Variants in LRRC34 observed in about 807,000 individuals in gnomAD.
The protein encoded by LRRC34 is leucine-rich repeat-containing protein 34.
Under a neutral mutation model 48.5 loss-of-function variants are expected in LRRC34, and 44 were observed. The ratio of observed to expected loss-of-function variants is 0.91; its 90% CI spans 0.71 to 1.17. The LOEUF (loss-of-function observed/expected upper bound fraction) is 1.17. LRRC34 is among the 50% of genes most tolerant of loss of function. The probability of loss-of-function intolerance (pLI) is 0.00; values close to 1 mark genes in which losing one functional copy is unlikely to be tolerated. For synonymous variants in LRRC34, 192 were observed against 197.6 expected (o/e 0.97, Z 0.24); for missense variants, 502 against 563.0 (o/e 0.89, Z 1.10).
At chr3:169,809,924 T>G (rs1462811152) in intron 1 of LRRC34, among the ~76,000 whole-genome samples, 1 of 151,980 alleles carries the variant, frequency 6.6e-6, no homozygotes, top group East Asian at 1.9e-4. Context: ...TAAAAATAAA[T>G]TTAATATACT....
intron 10 of LRRC34, chr3:169,794,152 CA>C: frequency 4.8e-6 from 1 of 206,648 alleles, no homozygotes; most frequent in Admixed American, 5.4e-5. Flanking sequence ...CTCCTATGGT[CA>C]AAATTTTCAA....
intron 8 of LRRC34, 66 bp downstream of exon 8, chr3:169,796,679 T>C (rs1477926204): frequency 1.4e-6 from 2 of 1,449,360 alleles, no homozygotes; most frequent in Non-Finnish European, 1.9e-6. Context: ...CCAAGTACCA[T>C]GAATATTTAT....
chr3:169,807,837 TATA>T, intron 2 of LRRC34, 128 bp from the exon 3 acceptor site: 8 of 1,109,602 alleles, frequency 7.2e-6, no homozygotes, highest in Non-Finnish European at 9.9e-6. Flanking sequence ...GAAGCAAGCA[TATA>T]ATAAGTAGAC....
chr3:169,796,384 A>C lies in LRRC34; in HGVS notation c.909-15T>G. ...TTATTTTGTTGCTGGCAAAGGAAAA[A>C]TAGTTATATTTGAAAATATGAAATA... On this transcript the variant is annotated splice_polypyrimidine_tract_variant and intron_variant, in intron 8 of 10. Transcript: ENST00000446859. The C allele has an allele frequency of 6.3e-7, 1 of 1,591,332 alleles. No individual in the cohort carries two copies. Among genetic ancestry groups the C allele is most frequent in the Non-Finnish European group, 8.5e-7 (1 of 1,173,914 alleles).
intron 10 of LRRC34, 41 bp from the exon 11 acceptor site, chr3:169,793,879 T>C: frequency 4.9e-6 from 7 of 1,415,440 alleles, no homozygotes; most frequent in Non-Finnish European, 5.9e-6. Context: ...TAAGAAAAAA[T>C]GTATTCAATT....
intron 8 of LRRC34, 65 bp from the exon 9 acceptor site, chr3:169,796,434 T>C (rs1296307209): frequency 1.3e-6 from 2 of 1,528,476 alleles, no homozygotes; most frequent in Non-Finnish European, 8.8e-7. Flanking sequence ...AGTGATAAGA[T>C]GCTTGAAAAC....
intron 6 of LRRC34, among the ~76,000 whole-genome samples, chr3:169,802,664 C>T (rs1779235551): frequency 2.0e-5 from 3 of 152,094 alleles, no homozygotes; most frequent in Non-Finnish European, 4.4e-5. Context: ...ACACTGGCTG[C>T]ATCTACCACC....
chr3:169,812,486 G>C lies in LRRC34; in HGVS notation c.63C>G (p.Ala21=). The change falls in exon 1 of 11, where the codon GCC becomes GCG. Residue 21 remains alanine, a synonymous_variant. Transcript: ENST00000446859. This position sits in a 1 kb window ranked among gnomAD's most constrained non-coding sequence, Gnocchi z 4.3. The part of the protein sequence containing the change: ...ERSMGSSREA[A]RAPARSPAWA... ...AAGCCGGGGACCTGGCCGGCGCACG[G>C]GCGGCCTCCCGGGAGCTCCCCATGC... 1 of 1,528,430 alleles carries C rather than the reference G, an allele frequency of 6.5e-7. No individual in the cohort carries two copies. The highest frequency in any genetic ancestry group is 8.7e-7 in the Non-Finnish European group (1 of 1,143,886). 94.7% of individuals were successfully genotyped at this position (1,528,430 alleles called of 1,614,324 possible).
chr3:169,805,288 A>G (rs920765247), intron 5 of LRRC34, among the ~76,000 whole-genome samples: 1 of 152,232 alleles, frequency 6.6e-6, no homozygotes, highest in Non-Finnish European at 1.5e-5. Flanking sequence ...AACTAACACA[A>G]GAGTTCAGCA....
chr3:169,804,236 T>G (rs1779295792), intron 5 of LRRC34, 55 bp from the exon 6 acceptor site: 1 of 1,390,458 alleles, frequency 7.2e-7, no homozygotes, highest in Non-Finnish European at 9.8e-7. Context: ...ATTCTATATA[T>G]TACATGAATT....
At chr3:169,803,931 G>A in intron 6 of LRRC34, 122 bp downstream of exon 6, 2 of 916,604 alleles carry the variant, frequency 2.2e-6, no homozygotes, top group Middle Eastern at 2.5e-4. Context: ...ATGTCTAGGG[G>A]AAAAACACCT....
In LRRC34 at chr3:169,793,118, G is replaced by A. The variant is rs1402532020; in HGVS notation, c.*517C>T. ...GGAGAGTGGGAGAGCTGGCAGCACT[G>A]GCTTGTTGGGAAAGGGGTATGTATA... On this transcript the variant is annotated 3_prime_UTR_variant, in exon 11 of 11. Coordinates refer to ENST00000446859, the MANE Select transcript of LRRC34 (RefSeq NM_001172779.2). 6.6e-6 allele frequency among the ~76,000 whole-genome samples: 1 copy of A among 152,158 alleles called. No homozygotes were observed. Among genetic ancestry groups the A allele is most frequent in the Non-Finnish European group, 1.5e-5 (1 of 68,030 alleles).
Position 169,812,593 on chromosome 3 carries a change from G to C in LRRC34, c.-45C>G. 1 of 1,424,520 alleles carries C rather than the reference G, an allele frequency of 7.0e-7. No individual in the cohort carries two copies. The highest frequency in any genetic ancestry group is 9.1e-7 in the Non-Finnish European group (1 of 1,096,498). The allele number at this position is 1,424,520 out of a possible 1,614,324, so 88.2% of individuals were successfully genotyped here. A position where few individuals can be genotyped will look rare whatever the true frequency, so the allele number is the denominator to read the frequency against. ...ACAGTCCGCCTGCAGCTGTGAGGCG[G>C]CTACACGAGCCTCGGCGCCAGCCTG... On this transcript the variant is annotated 5_prime_UTR_variant, in exon 1 of 11. Transcript: ENST00000446859. This position sits in a 1 kb window ranked among gnomAD's most constrained non-coding sequence, Gnocchi z 4.3.
In LRRC34 at chr3:169,802,913, G is replaced by A. The variant is rs184861558; in HGVS notation, c.657+1140C>T. On this transcript the variant is annotated intron_variant, in intron 6 of 10. Transcript: ENST00000446859. ...AATTGTTTGAACCCGGGAGGTGGAG[G>A]TTGCAGTGAGCCGAGATCACGCCAT... 8.7e-3 allele frequency among the ~76,000 whole-genome samples: 1,326 copies of A among 151,978 alleles called. 17 individuals carry two copies. Among genetic ancestry groups the A allele is most frequent in the African/African-American group, 0.03 (1,256 of 41,432 alleles).
chr3:169,796,552 C>G (rs1778996036), intron 8 of LRRC34, 183 bp from the exon 9 acceptor site: 10 of 904,078 alleles, frequency 1.1e-5, no homozygotes, highest in Non-Finnish European at 1.6e-5. Context: ...GTTTACACAA[C>G]TAAATTGCTC....
At chr3:169,807,037 G>A in intron 4 of LRRC34, 106 bp from the exon 5 acceptor site, 1 of 545,026 alleles carries the variant, frequency 1.8e-6, no homozygotes, top group Non-Finnish European at 3.2e-6. Flanking sequence ...ATTTGAATAA[G>A]TGTTTTCCTC....
chr3:169,798,857 C>T (rs1310929193), intron 7 of LRRC34, among the ~76,000 whole-genome samples: 2 of 152,094 alleles, frequency 1.3e-5, no homozygotes, highest in East Asian at 1.9e-4. Flanking sequence ...CCCATGGCAC[C>T]CCGGGCATAT....
chr3:169,796,081 G>A, intron 9 of LRRC34, 133 bp downstream of exon 9: 1 of 1,328,660 alleles, frequency 7.5e-7, no homozygotes, highest in African/African-American at 1.5e-5. Flanking sequence ...AATGTTTACT[G>A]TAACTTAATA....
At chr3:169,806,819 A>G (rs1428604104) in intron 5 of LRRC34, 29 bp downstream of exon 5, 1 of 1,418,974 alleles carries the variant, frequency 7.0e-7, no homozygotes, top group East Asian at 2.3e-5. Context: ...TCCAAATACA[A>G]TGTTAGTTTG....
Sources: gnomAD v4.1 joint callset for allele counts (sites outside exome capture counted in the v4.1 genomes callset) on GRCh38, gnomAD v4.1.1 for gene constraint, Gnocchi (gnomAD v3.1) non-coding constraint, MANE v1.5 for transcripts, NCBI Gene and HGNC (gene_info 2026-07-23, HGNC 2026-07-21) for gene names.